The following CCDC9B variants were observed in gnomAD, a reference collection of about 807,000 sequenced individuals.
The protein encoded by CCDC9B is coiled-coil domain-containing protein 9B.
A neutral mutation model predicts 47.2 loss-of-function variants in CCDC9B; 40 were observed. That is an observed-to-expected ratio of 0.85 (90% confidence interval 0.66 to 1.10). CCDC9B has a LOEUF of 1.10. CCDC9B is among the 50% of genes least tolerant of loss of function. CCDC9B has a pLI of 0.00. For missense variants in CCDC9B, 662 were observed against 651.0 expected (o/e 1.02, Z -0.18); for synonymous variants, 238 against 250.7 (o/e 0.95, Z 0.48).
intron 5 of CCDC9B, 162 bp from the exon 6 acceptor site, chr15:40,338,055 G>C (rs1889004154): frequency 2.6e-6 from 2 of 763,806 alleles, no homozygotes; most frequent in African/African-American, 3.4e-5. Flanking sequence ...CCACTTGTTA[G>C]CTGTGTGTTT....
At chr15:40,340,770 C>G (rs1280948692) in intron 1 of CCDC9B, 38 bp downstream of exon 1, 1 of 1,585,308 alleles carries the variant, frequency 6.3e-7, no homozygotes, top group Non-Finnish European at 8.6e-7. Context: ...CCCTCCCAGT[C>G]CCAAGAAGCC....
rs1888917067 is a variant in CCDC9B, at chr15:40,334,626, T to A, written c.*532A>T. 1 of 152,492 alleles carries A rather than the reference T, an allele frequency of 6.6e-6. No homozygotes were observed. Among genetic ancestry groups the A allele is most frequent in the African/African-American group, 2.4e-5 (1 of 41,430 alleles). The allele number at this position is 152,492 out of a possible 1,614,324, so 9.4% of individuals were successfully genotyped here. ...CTGCCAGCTGTGTGGCCTCTCCTCC[T>A]CCAGGCCTCAGCCACCACTCAGGAG... On this transcript the variant is annotated 3_prime_UTR_variant, in exon 11 of 11. Coordinates refer to ENST00000397536, the MANE Select transcript of CCDC9B (RefSeq NM_207380.3).
chr15:40,333,315 C>T lies in CCDC9B; in HGVS notation c.*1843G>A, dbSNP rs753060234. ...AGGTGTGGTGGCTCATGCCTGTAAT[C>T]CCAGCAGTTTAGGAGGCCAAGGCGA... On this transcript the variant is annotated 3_prime_UTR_variant, in exon 11 of 11. Transcript: ENST00000397536. 1.3e-5 allele frequency: 2 copies of T among 152,168 alleles called. No individual in the cohort carries two copies. The highest frequency in any genetic ancestry group is 2.4e-5 in the African/African-American group (1 of 41,402). 9.4% of individuals were successfully genotyped at this position (152,168 alleles called of 1,614,324 possible).
At chr15:40,340,360 C>T (rs746853121) in intron 1 of CCDC9B, 2 of 345,536 alleles carry the variant, frequency 5.8e-6, no homozygotes, top group Non-Finnish European at 1.1e-5. Context: ...CGGAACCTGC[C>T]GTGACTGGGA....
At position 40,339,915 on chromosome 15, in the gene CCDC9B, C is replaced by G; in HGVS notation, c.113G>C (p.Arg38Pro). ...ALRKKNQALLRRYQEIQEDRR... is the reference protein window; with the variant it reads ...ALRKKNQALLPRYQEIQEDRR... ...TGGCAGCCCACTCACCTGGTACCTGCGGAGCAAGGCCTGGTTCTTCTTGCG... is the reference window on the plus strand; with the variant it reads ...TGGCAGCCCACTCACCTGGTACCTGGGGAGCAAGGCCTGGTTCTTCTTGCG... The change falls in exon 2 of 11, where the codon CGC (arginine) becomes CCC (proline). Residue 38 changes from arginine to proline, a missense_variant. Transcript: ENST00000397536. 1.2e-6 allele frequency: 2 copies of G among 1,612,208 alleles called. No individual in the cohort carries two copies. Among genetic ancestry groups the G allele is most frequent in the South Asian group, 2.2e-5 (2 of 91,066 alleles).
In CCDC9B at chr15:40,331,459, A is replaced by T. The variant is rs1211341689; in HGVS notation, c.*3699T>A. 1 of 147,200 alleles carries T rather than the reference A, an allele frequency of 6.8e-6. No homozygotes were observed. Among genetic ancestry groups the T allele is most frequent in the African/African-American group, 2.5e-5 (1 of 39,574 alleles). 9.1% of individuals were successfully genotyped at this position (147,200 alleles called of 1,614,324 possible). On this transcript the variant is annotated 3_prime_UTR_variant, in exon 11 of 11. Transcript: ENST00000397536. ...AAACAAAGTAGACAGAGATCACACC[A>T]AATCGCTACTTCATTTATTCAACAA...
At chr15:40,337,559 TG>T in intron 6 of CCDC9B, 113 bp from the exon 7 acceptor site, 11 of 1,205,128 alleles carry the variant, frequency 9.1e-6, no homozygotes, top group Non-Finnish European at 1.3e-5. Context: ...AGGGAGATGG[TG>T]GGCCCAAGAA....
At position 40,332,096 on chromosome 15, in the gene CCDC9B, G is replaced by GGA. The variant is rs773455201; in HGVS notation, c.*3061_*3062insTC. On this transcript the variant is annotated 3_prime_UTR_variant, in exon 11 of 11. Transcript: ENST00000397536. ...TTCATGAAGACCCTCCACCTTTGAA[G>GGA]AGCAGTCTTTTCTGTTGGTTGGAGA... is the stretch of plus-strand genomic sequence containing the variant. 2 of 149,218 alleles carry GGA rather than the reference G, an allele frequency of 1.3e-5. No individual in the cohort carries two copies. Among genetic ancestry groups the GGA allele is most frequent in the Non-Finnish European group, 2.9e-5 (2 of 68,060 alleles). 9.2% of individuals were successfully genotyped at this position (149,218 alleles called of 1,614,324 possible). A position where few individuals can be genotyped will look rare whatever the true frequency, so the allele number is the denominator to read the frequency against.
At chr15:40,340,354 A>C (rs1595715046) in intron 1 of CCDC9B, 2 of 344,742 alleles carry the variant, frequency 5.8e-6, no homozygotes, top group South Asian at 4.9e-5. Flanking sequence ...TGGCAGCGGA[A>C]CCTGCCGTGA....
chr15:40,336,606 C>T lies in CCDC9B; in HGVS notation c.855G>A (p.Arg285=). Residue 285 remains arginine, a synonymous_variant, in exon 9 of 11, where the codon CGG becomes CGA. Transcript: ENST00000397536. ...CCCTGCCAGTCAGCCTCTCCTTGCC[C>T]CGGGCTTTGCTGCCTGTGGCTGGTG... is the stretch of plus-strand genomic sequence containing the variant. ...SVAPATGSKA[R]GKERLTGRAR... The T allele has an allele frequency of 6.2e-7, 1 of 1,612,896 alleles. No homozygotes were observed. Among genetic ancestry groups the T allele is most frequent in the East Asian group, 2.2e-5 (1 of 44,868 alleles).
At chr15:40,340,435 A>C in intron 1 of CCDC9B, 2 of 321,644 alleles carry the variant, frequency 6.2e-6, no homozygotes, top group African/African-American at 2.1e-5. Context: ...CAACCAGAGA[A>C]AAAGGAGAGG....
Position 40,332,161 on chromosome 15 carries a change from T to G in CCDC9B, c.*2997A>C, listed in dbSNP as rs1888871367. ...AAAAGGAAGGCTCCCAGCCAGGCCT[T>G]TAAACAAAGGAGCCAGGAAGAGGTA... On this transcript the variant is annotated 3_prime_UTR_variant, in exon 11 of 11. Transcript: ENST00000397536. The G allele has an allele frequency of 6.6e-6, 1 of 152,156 alleles. No individual in the cohort carries two copies. The highest frequency in any genetic ancestry group is 1.5e-5 in the Non-Finnish European group (1 of 68,040). The allele number at this position is 152,156 out of a possible 1,614,324, so 9.4% of individuals were successfully genotyped here. A position where few individuals can be genotyped will look rare whatever the true frequency, so the allele number is the denominator to read the frequency against.
At chr15:40,339,689 C>T in intron 2 of CCDC9B, 70 bp from the exon 3 acceptor site, 2 of 1,596,216 alleles carry the variant, frequency 1.3e-6, no homozygotes, top group South Asian at 1.1e-5. Context: ...TGCTGATAGG[C>T]CTACACAGAG....
chr15:40,339,048 A>G (rs1889030479), intron 3 of CCDC9B, 145 bp from the exon 4 acceptor site: 2 of 908,732 alleles, frequency 2.2e-6, no homozygotes, highest in Middle Eastern at 2.1e-4. Flanking sequence ...CAGGGTGTTC[A>G]CATGCCAATG....
At chr15:40,338,701 G>A (rs911899909) in intron 4 of CCDC9B, 41 bp from the exon 5 acceptor site, 19 of 1,611,248 alleles carry the variant, frequency 1.2e-5, no homozygotes, top group Non-Finnish European at 1.6e-5. Context: ...GAGCCAGGGA[G>A]GAAGAGGCTG....
chr15:40,339,387 G>T, intron 3 of CCDC9B, 125 bp downstream of exon 3: 2 of 976,066 alleles, frequency 2.0e-6, no homozygotes, highest in South Asian at 1.5e-5. Context: ...GCAGGAGGTT[G>T]GGAGCTGGCA....
At chr15:40,337,691 A>G in intron 6 of CCDC9B, 33 bp downstream of exon 6, 5 of 1,563,756 alleles carry the variant, frequency 3.2e-6, no homozygotes, top group Non-Finnish European at 3.5e-6. Flanking sequence ...TCCATCCCGC[A>G]CCACAGGCAA....
Position 40,335,043 on chromosome 15 carries a change from C to T in CCDC9B, c.*115G>A. 1.9e-6 allele frequency: 2 copies of T among 1,048,476 alleles called. No homozygotes were observed. Among genetic ancestry groups the T allele is most frequent in the Non-Finnish European group, 2.7e-6 (2 of 737,760 alleles). The allele number at this position is 1,048,476 out of a possible 1,614,324, so 64.9% of individuals were successfully genotyped here. ...CCATGCTGGAGAGTTTGCCACACTG[C>T]TCAGTGACAATGGCGCAAGCCACCG... is the stretch of plus-strand genomic sequence containing the variant. On this transcript the variant is annotated 3_prime_UTR_variant, in exon 11 of 11. Transcript: ENST00000397536.
In CCDC9B at chr15:40,332,599, C is replaced by T. The variant is rs1399952059; in HGVS notation, c.*2559G>A. The T allele has an allele frequency of 1.3e-5, 2 of 152,260 alleles. No individual in the cohort carries two copies. The highest frequency in any genetic ancestry group is 2.9e-5 in the Non-Finnish European group (2 of 68,108). The allele number at this position is 152,260 out of a possible 1,614,324, so 9.4% of individuals were successfully genotyped here. On this transcript the variant is annotated 3_prime_UTR_variant, in exon 11 of 11. Transcript: ENST00000397536. Reference sequence around the variant, plus strand: ...GAGCTCTGCCTGCTTCCTACATCCTCATTCCAGGGTCAGACGAGCCTGGCA... The same window carrying T: ...GAGCTCTGCCTGCTTCCTACATCCTTATTCCAGGGTCAGACGAGCCTGGCA...
Sources: gnomAD v4.1 joint callset for allele counts on GRCh38, gnomAD v4.1.1 for gene constraint, MANE v1.5 for transcripts, NCBI Gene and HGNC (gene_info 2026-07-23, HGNC 2026-07-21) for gene names.